The following SHLD2 variants were observed in gnomAD, a reference collection of about 807,000 sequenced individuals.
The protein encoded by SHLD2 is RINN1-REV7-interacting novel NHEJ regulator 2.
In SHLD2, 30 loss-of-function variants were observed where a neutral mutation model predicts 73.2. The observed-to-expected ratio is 0.41, with a 90% CI of 0.31 to 0.56. SHLD2 has a LOEUF of 0.56. SHLD2 is among the 20% of genes least tolerant of loss of function. The pLI, the probability that SHLD2 is intolerant of heterozygous loss-of-function variation, is 0.28. For missense variants in SHLD2, 745 were observed against 1,055.9 expected (o/e 0.71, Z 4.08); for synonymous variants, 285 against 370.1 (o/e 0.77, Z 2.64).
intron 2 of SHLD2, among the ~76,000 whole-genome samples, chr10:87,104,037 C>T (rs1024346129): frequency 3.3e-5 from 5 of 151,436 alleles, no homozygotes; most frequent in African/African-American, 4.9e-5. Context: ...AGTTCAAGAC[C>T]AGCCTGGCCA....
At chr10:87,147,542 T>C (rs1308460394) in intron 2 of SHLD2, among the ~76,000 whole-genome samples, 1 of 151,964 alleles carries the variant, frequency 6.6e-6, no homozygotes, top group Non-Finnish European at 1.5e-5. Context: ...GGAGAAAATA[T>C]TAAGTGAGGA....
rs566164837 is a variant in SHLD2, at chr10:87,189,124, C to T, written c.2516-1360C>T. Among the ~76,000 whole-genome samples the T allele has an allele frequency of 9.9e-5, 15 of 151,612 alleles. 1 individual carries two copies. Among genetic ancestry groups the T allele is most frequent in the African/African-American group, 3.1e-4 (13 of 41,360 alleles). On this transcript the variant is annotated intron_variant, in intron 9 of 9. Transcript: ENST00000298786. ...TCAAGCAAGTCTCCTGCCTCAGTTTCGCAAGTAGCTGGGATTACAGGCATG... is the reference window on the plus strand; with the variant it reads ...TCAAGCAAGTCTCCTGCCTCAGTTTTGCAAGTAGCTGGGATTACAGGCATG...
chr10:87,142,922 C>CTTTTT (rs71269253), intron 2 of SHLD2, among the ~76,000 whole-genome samples: 1 of 83,200 alleles, frequency 1.2e-5, no homozygotes, highest in Non-Finnish European at 2.2e-5. Context: ...TTTATTTTTA[C>CTTTTT]TTTTTTTTTT....
At chr10:87,111,734 T>A (rs1842937934) in intron 2 of SHLD2, among the ~76,000 whole-genome samples, 1 of 148,776 alleles carries the variant, frequency 6.7e-6, no homozygotes, top group Non-Finnish European at 1.5e-5. Context: ...TGCTTTGGCC[T>A]CCCAAAGTGC....
At chr10:87,173,328 G>A (rs1307881663) in intron 6 of SHLD2, among the ~76,000 whole-genome samples, 4 of 152,004 alleles carry the variant, frequency 2.6e-5, no homozygotes, top group South Asian at 4.1e-4. Flanking sequence ...CACCGCACCC[G>A]GCCAGCATAA....
intron 2 of SHLD2, among the ~76,000 whole-genome samples, chr10:87,118,512 C>T (rs971698802): frequency 1.4e-5 from 2 of 146,264 alleles, no homozygotes; most frequent in Non-Finnish European, 3.0e-5. Context: ...ATGACCTTCC[C>T]AGGAATCAAA....
Position 87,180,114 on chromosome 10 carries a change from T to C in SHLD2, c.2210T>C (p.Phe737Ser). ...AAAGCCCAGATTTCAGAGCTGGCAT[T>C]TCCTATTACAGCATCTCAGAAGATA... ...LIKAQISELA[F>S]PITASQKIAL... Residue 737 changes from phenylalanine (F) to serine (S), a missense_variant, in exon 8 of 10, where the codon TTT becomes TCT. Physicochemically the swap from Phe to Ser is radical, Grantham distance 155. Around this residue, in one of 5 missense-constraint regions of SHLD2, gnomAD observed 418 missense variants for 567.8 expected, o/e 0.74. Transcript: ENST00000298786. 6.2e-7 allele frequency: 1 copy of C among 1,613,896 alleles called. No homozygotes were observed. The highest frequency in any genetic ancestry group is 8.5e-7 in the Non-Finnish European group (1 of 1,179,836).
chr10:87,094,797 T>C (rs752229835), upstream of SHLD2: 8 of 1,512,346 alleles, frequency 5.3e-6, no homozygotes, highest in Admixed American at 1.8e-5. This position sits in a 1 kb window ranked among gnomAD's most constrained non-coding sequence, Gnocchi z 6.6. Context: ...AGGTGCGTGA[T>C]GGTCGCGAAA....
At chr10:87,133,912 G>A (rs1844610662) in intron 2 of SHLD2, among the ~76,000 whole-genome samples, 2 of 152,124 alleles carry the variant, frequency 1.3e-5, no homozygotes, top group South Asian at 4.1e-4. Flanking sequence ...TATAGCTGGG[G>A]CTATACTGAC....
chr10:87,154,649 A>T (rs1846266540), intron 3 of SHLD2, among the ~76,000 whole-genome samples: 3 of 152,154 alleles, frequency 2.0e-5, no homozygotes, highest in Admixed American at 6.5e-5. Context: ...CCAAAATGCT[A>T]GGATTACAAG....
At chr10:87,095,032 C>T (rs527251901), upstream of SHLD2, among the ~76,000 whole-genome samples, 359 of 144,432 alleles carry the variant, frequency 2.5e-3, 2 homozygotes, top group African/African-American at 8.5e-3. Context: ...GCCGGCGGGG[C>T]GTCGGGGGCG....
At chr10:87,130,390 T>C (rs1192669720) in intron 2 of SHLD2, among the ~76,000 whole-genome samples, 2 of 147,922 alleles carry the variant, frequency 1.4e-5, no homozygotes, top group Non-Finnish European at 1.5e-5. Flanking sequence ...TCAGTACATA[T>C]GTGTTTTCTT....
chr10:87,121,376 C>T (rs1008571514), intron 2 of SHLD2, among the ~76,000 whole-genome samples: 13 of 152,138 alleles, frequency 8.5e-5, no homozygotes, highest in African/African-American at 1.4e-4. Flanking sequence ...CCACCAGCCT[C>T]GGCCTCACAG....
At chr10:87,107,513 G>T (rs1197792019) in intron 2 of SHLD2, among the ~76,000 whole-genome samples, 2 of 152,222 alleles carry the variant, frequency 1.3e-5, no homozygotes, top group African/African-American at 4.8e-5. Flanking sequence ...GCCTTGAAAA[G>T]AAGAAACATT....
chr10:87,114,342 G>T (rs1475036622), intron 2 of SHLD2: 1 of 152,160 alleles, frequency 6.6e-6, no homozygotes, highest in Non-Finnish European at 1.5e-5. Flanking sequence ...CTGAGAAAGC[G>T]ATTTTATATT....
chr10:87,115,671 T>A (rs2134035738), intron 2 of SHLD2: 1 of 152,294 alleles, frequency 6.6e-6, no homozygotes, highest in South Asian at 2.1e-4. Context: ...CTGAAAGTTT[T>A]ACTTGGAAGA....
At chr10:87,120,547 G>A (rs1014645511) in intron 2 of SHLD2, among the ~76,000 whole-genome samples, 2 of 151,718 alleles carry the variant, frequency 1.3e-5, no homozygotes, top group African/African-American at 4.8e-5. Context: ...GCGCCCGGCC[G>A]TGTTGAAGTT....
At chr10:87,095,482 CG>C (rs1841770898) in intron 1 of SHLD2, among the ~76,000 whole-genome samples, 1 of 152,054 alleles carries the variant, frequency 6.6e-6, no homozygotes, top group Admixed American at 6.5e-5. Context: ...GGCCTCAGGC[CG>C]GGGCCGGGCG....
chr10:87,186,729 A>G (rs12356325), intron 8 of SHLD2, among the ~76,000 whole-genome samples: 8,833 of 152,274 alleles, frequency 0.058, 512 homozygotes, highest in African/African-American at 0.16. Context: ...CTGATAGGAA[A>G]GAATTCAGTT....
Sources: gnomAD v4.1 joint callset for allele counts (sites outside exome capture counted in the v4.1 genomes callset) on GRCh38, gnomAD v4.1.1 for gene constraint, gnomAD v4.1.1 regional missense constraint, Gnocchi (gnomAD v3.1) non-coding constraint, MANE v1.5 for transcripts, NCBI Gene and HGNC (gene_info 2026-07-23, HGNC 2026-07-21) for gene names.